Variants in MACROD2 observed in about 807,000 individuals in gnomAD.
MACROD2 encodes the protein ADP-ribose glycohydrolase MACROD2.
MACROD2 carries 36 observed loss-of-function variants against 70.4 expected under a neutral mutation model. That is an observed-to-expected ratio of 0.51 (90% CI 0.39 to 0.68). MACROD2 has a LOEUF of 0.68. Among genes scored for constraint, MACROD2 ranks in the 30% least tolerant of loss-of-function variants. The pLI is 0.00. For missense variants in MACROD2, 496 were observed against 538.4 expected (o/e 0.92, Z 0.78); for synonymous variants, 172 against 178.8 (o/e 0.96, Z 0.30).
At chr20:15,530,627 G>C (rs975575820) in intron 8 of MACROD2, among the ~76,000 whole-genome samples, 2 of 150,844 alleles carry the variant, frequency 1.3e-5, no homozygotes, top group Admixed American at 6.6e-5. Flanking sequence ...AGCTACTCAG[G>C]AGGCTGAGGC....
chr20:15,264,523 G>A (rs561448844), intron 6 of MACROD2, among the ~76,000 whole-genome samples: 2 of 152,284 alleles, frequency 1.3e-5, no homozygotes, highest in East Asian at 3.9e-4. Flanking sequence ...AGCTTAAAAA[G>A]CATTTTGAGC....
intron 8 of MACROD2, among the ~76,000 whole-genome samples, chr20:15,678,020 A>G (rs1276742031): frequency 6.6e-6 from 1 of 152,042 alleles, no homozygotes; most frequent in Non-Finnish European, 1.5e-5. Context: ...AGCCAAGATC[A>G]CGCCACTGCA....
chr20:15,458,321 C>A (rs116408926), intron 7 of MACROD2, among the ~76,000 whole-genome samples: 2,435 of 152,144 alleles, frequency 0.016, 48 homozygotes, highest in Middle Eastern at 0.051. Context: ...TAGGAAGTTC[C>A]CTATAATAGT....
intron 3 of MACROD2, among the ~76,000 whole-genome samples, chr20:14,453,887 G>A (rs981199871): frequency 2.6e-5 from 4 of 151,618 alleles, no homozygotes; most frequent in African/African-American, 9.7e-5. Context: ...TAATTCATAA[G>A]TATAATTTTA....
chr20:14,686,332 A>G (rs1191939942), intron 5 of MACROD2, among the ~76,000 whole-genome samples: 1 of 152,198 alleles, frequency 6.6e-6, no homozygotes, highest in African/African-American at 2.4e-5. Context: ...TGCACCTTAT[A>G]CACATAACAT....
At chr20:14,533,064 G>A (rs1296488909) in intron 4 of MACROD2, among the ~76,000 whole-genome samples, 3 of 152,088 alleles carry the variant, frequency 2.0e-5, no homozygotes, top group African/African-American at 7.2e-5. Context: ...TAACCAAACT[G>A]AATGACCAGT....
At chr20:14,557,924 T>C (rs1453950769) in intron 4 of MACROD2, among the ~76,000 whole-genome samples, 1 of 151,770 alleles carries the variant, frequency 6.6e-6, no homozygotes, top group Non-Finnish European at 1.5e-5. Flanking sequence ...GCACATTAAT[T>C]TTCATACCAG....
chr20:15,713,987 G>GCGCACA (rs1555868663), intron 8 of MACROD2, among the ~76,000 whole-genome samples: 3 of 117,788 alleles, frequency 2.5e-5, no homozygotes, highest in South Asian at 3.2e-4. Context: ...ACACACATAT[G>GCGCACA]CACACACACA....
chr20:15,137,198 C>T (rs1418641698), intron 5 of MACROD2, among the ~76,000 whole-genome samples: 1 of 149,838 alleles, frequency 6.7e-6, no homozygotes, highest in African/African-American at 2.5e-5. Flanking sequence ...ACCCAGCCAT[C>T]CCATTACTGG....
chr20:15,723,788 C>T (rs1041814616), intron 8 of MACROD2, among the ~76,000 whole-genome samples: 7 of 151,990 alleles, frequency 4.6e-5, no homozygotes, highest in Non-Finnish European at 1.0e-4. Flanking sequence ...GGTTTTCAGC[C>T]CTTTGGGATA....
At chr20:15,216,763 G>A (rs2076813967) in intron 5 of MACROD2, among the ~76,000 whole-genome samples, 1 of 152,124 alleles carries the variant, frequency 6.6e-6, no homozygotes, top group South Asian at 2.1e-4. Flanking sequence ...CTTATTTTGA[G>A]AGTAAGCGCT....
chr20:15,175,213 G>A (rs865843563), intron 5 of MACROD2, among the ~76,000 whole-genome samples: 1 of 146,320 alleles, frequency 6.8e-6, no homozygotes, highest in South Asian at 2.2e-4. Flanking sequence ...TCACTCATAG[G>A]TGGGAATTGA....
chr20:14,458,700 C>G (rs377648), intron 3 of MACROD2, among the ~76,000 whole-genome samples: 149,710 of 152,116 alleles, frequency 0.98, 73,729 homozygotes, highest in East Asian at 1. Flanking sequence ...TCCTTTACAA[C>G]ATACTACTAA....
intron 5 of MACROD2, among the ~76,000 whole-genome samples, chr20:14,994,195 A>G (rs967129307): frequency 2.6e-5 from 4 of 152,108 alleles, no homozygotes; most frequent in African/African-American, 4.8e-5. Context: ...CTTAGCACTT[A>G]GTTATATAGC....
At chr20:14,203,338 G>A (rs2081495846) in intron 3 of MACROD2, among the ~76,000 whole-genome samples, 1 of 151,872 alleles carries the variant, frequency 6.6e-6, no homozygotes, top group Admixed American at 6.6e-5. Context: ...TTGTATCTGA[G>A]TTCCTTTAAC....
chr20:14,207,325 C>T (rs1023060223), intron 3 of MACROD2, among the ~76,000 whole-genome samples: 1 of 152,140 alleles, frequency 6.6e-6, no homozygotes, highest in Admixed American at 6.5e-5. Flanking sequence ...TGGTCTCGAT[C>T]TCTTGACCTC....
Position 15,118,197 on chromosome 20 carries a change from T to A in MACROD2, c.419-111743T>A, listed in dbSNP as rs768362274. ...AAAGTGAGCTTTTTTTAATTTTAAA[T>A]TTTTTTTTTTTTTTGAGCCAGGGTC... On this transcript the variant is annotated intron_variant, in intron 5 of 17. Coordinates refer to ENST00000684519, the MANE Select transcript of MACROD2 (RefSeq NM_001351661.2). 7.2e-4 allele frequency among the ~76,000 whole-genome samples: 30 copies of A among 41,710 alleles called. 1 individual carries two copies. Among genetic ancestry groups the A allele is most frequent in the Non-Finnish European group, 2.8e-3 (25 of 8,904 alleles). The allele number at this position is 41,710 out of a possible 152,430, so 27.4% of individuals were successfully genotyped here. A position where few individuals can be genotyped will look rare whatever the true frequency, so the allele number is the denominator to read the frequency against.
chr20:14,557,561 A>AG (rs1979118017), intron 4 of MACROD2, among the ~76,000 whole-genome samples: 1 of 151,944 alleles, frequency 6.6e-6, no homozygotes, highest in South Asian at 2.1e-4. Context: ...GGATTAGGCA[A>AG]GGGTTCTGAA....
intron 5 of MACROD2, among the ~76,000 whole-genome samples, chr20:14,862,270 T>TAATATATATAA (rs2073350120): frequency 5.8e-5 from 2 of 34,398 alleles, no homozygotes; most frequent in Non-Finnish European, 9.2e-5. Context: ...AATATATTAC[T>TAATATATATAA]ATGTATATTT....
Sources: allele counts gnomAD v4.1 joint callset (sites outside exome capture counted in the v4.1 genomes callset), GRCh38; gene constraint gnomAD v4.1.1; transcripts MANE v1.5; gene names NCBI Gene and HGNC (gene_info 2026-07-23, HGNC 2026-07-21).